Variants in NALF1 observed in about 807,000 individuals in gnomAD.
The protein encoded by NALF1 is NALCN channel auxiliary factor 1, also known as family with sequence similarity 155 member A.
Under a neutral mutation model 48.4 loss-of-function variants are expected in NALF1, and 3 were observed. The observed-to-expected ratio is 0.06, with a 90% CI of 0.03 to 0.16. The LOEUF (loss-of-function observed/expected upper bound fraction) is 0.16, where lower values mean the gene tolerates loss of function less well. Ranked by LOEUF, NALF1 falls within the 10% of genes least tolerant of loss-of-function variation. The probability of loss-of-function intolerance (pLI) is 1.00; values close to 1 mark genes in which losing one functional copy is unlikely to be tolerated. For missense variants in NALF1, 526 were observed against 571.5 expected (o/e 0.92, Z 0.81); for synonymous variants, 262 against 245.7 (o/e 1.07, Z -0.62).
chr13:107,624,985 T>A (rs1346799114), intron 1 of NALF1, among the ~76,000 whole-genome samples: 1 of 152,162 alleles, frequency 6.6e-6, no homozygotes, highest in African/African-American at 2.4e-5. Flanking sequence ...ACAGTTTTAT[T>A]CTCCATAACC....
At position 107,720,816 on chromosome 13, in the gene NALF1, T is replaced by A. The variant is rs75761216; in HGVS notation, c.915+144866A>T. Among the ~76,000 whole-genome samples the A allele has an allele frequency of 2.1e-4, 32 of 152,310 alleles. No individual in the cohort carries two copies. In the East Asian group the frequency reaches 5.4e-3, roughly 26 times the overall value. ...TGAGCTGAAGGTAGTGTTTACTCCT[T>A]CCTTCTGGATAAACACAGGTTGAAA... On this transcript the variant is annotated intron_variant, in intron 1 of 2. Coordinates refer to ENST00000375915, the MANE Select transcript of NALF1 (RefSeq NM_001080396.3).
chr13:107,334,336 G>T (rs1251686470), intron 1 of NALF1, among the ~76,000 whole-genome samples: 1 of 152,130 alleles, frequency 6.6e-6, no homozygotes, highest in Non-Finnish European at 1.5e-5. Context: ...AGAACATCCT[G>T]CCCGAAGGAC....
chr13:107,588,177 G>T (rs1878509286), intron 1 of NALF1, among the ~76,000 whole-genome samples: 1 of 152,098 alleles, frequency 6.6e-6, no homozygotes, highest in African/African-American at 2.4e-5. Flanking sequence ...GACTGTCCAT[G>T]GGAGGCCCCT....
intron 1 of NALF1, among the ~76,000 whole-genome samples, chr13:107,435,778 G>A (rs7333606): frequency 0.36 from 55,081 of 151,240 alleles, 10,483 homozygotes; most frequent in Middle Eastern, 0.48. Context: ...AAGAATTAAG[G>A]GGGAAGGAAA....
At chr13:107,709,503 C>T (rs1443699155) in intron 1 of NALF1, among the ~76,000 whole-genome samples, 5 of 152,194 alleles carry the variant, frequency 3.3e-5, no homozygotes, top group Non-Finnish European at 7.3e-5. Context: ...ATCTATCTAA[C>T]CACAAATGTG....
intron 1 of NALF1, among the ~76,000 whole-genome samples, chr13:107,267,423 TA>T (rs537284362): frequency 1.3e-5 from 2 of 150,358 alleles, no homozygotes; most frequent in African/African-American, 4.9e-5. Context: ...GGCATGACCA[TA>T]AAAAAAAACA....
intron 1 of NALF1, among the ~76,000 whole-genome samples, chr13:107,803,812 T>C (rs974620365): frequency 1.1e-4 from 17 of 152,176 alleles, no homozygotes; most frequent in Admixed American, 1.3e-4. Flanking sequence ...TTAACTCTAA[T>C]AACACGATGG....
chr13:107,326,658 G>A (rs1882371292), intron 1 of NALF1, among the ~76,000 whole-genome samples: 1 of 152,202 alleles, frequency 6.6e-6, no homozygotes, highest in Non-Finnish European at 1.5e-5. Flanking sequence ...ATTAAAATGA[G>A]TGTTGAAGGT....
At chr13:107,768,705 TG>T (rs535631328) in intron 1 of NALF1, among the ~76,000 whole-genome samples, 3 of 152,094 alleles carry the variant, frequency 2.0e-5, no homozygotes, top group Non-Finnish European at 2.9e-5. Context: ...CAGCAGCAAT[TG>T]ACTGGCAGAT....
chr13:107,861,699 G>A (rs1175511469), intron 1 of NALF1, among the ~76,000 whole-genome samples: 2 of 152,198 alleles, frequency 1.3e-5, no homozygotes, highest in South Asian at 2.1e-4. Flanking sequence ...CAGGAGAATC[G>A]CTTGAACCCG....
At chr13:107,780,010 T>C (rs1209762010) in intron 1 of NALF1, among the ~76,000 whole-genome samples, 1 of 151,816 alleles carries the variant, frequency 6.6e-6, no homozygotes, top group Non-Finnish European at 1.5e-5. Context: ...TATTACTTTG[T>C]TCTCTATCTC....
chr13:107,787,385 A>T (rs1026986270), intron 1 of NALF1, among the ~76,000 whole-genome samples: 2 of 152,244 alleles, frequency 1.3e-5, no homozygotes, highest in African/African-American at 4.8e-5. Context: ...TTATTTAAAG[A>T]TACAAACTTT....
chr13:107,327,553 A>G (rs2138920455), intron 1 of NALF1, among the ~76,000 whole-genome samples: 1 of 152,314 alleles, frequency 6.6e-6, no homozygotes. Flanking sequence ...AATGTCACTG[A>G]GTGTCCTAGA....
intron 1 of NALF1, among the ~76,000 whole-genome samples, chr13:107,566,009 T>G (rs1175114468): frequency 6.6e-6 from 1 of 152,186 alleles, no homozygotes; most frequent in African/African-American, 2.4e-5. Flanking sequence ...AAGAGATAAT[T>G]ATATTTTTCA....
chr13:107,414,994 A>G (rs917405210), intron 1 of NALF1, among the ~76,000 whole-genome samples: 1 of 152,176 alleles, frequency 6.6e-6, no homozygotes, highest in Non-Finnish European at 1.5e-5. Flanking sequence ...ATAAAATCAA[A>G]ATTGCCATTG....
At chr13:107,553,662 ATTAAG>A (rs1390693184) in intron 1 of NALF1, among the ~76,000 whole-genome samples, 3 of 152,198 alleles carry the variant, frequency 2.0e-5, no homozygotes, top group Admixed American at 1.3e-4. Flanking sequence ...TGGCATTTAA[ATTAAG>A]TTAATTAAGC....
chr13:107,333,348 T>C (rs1398738438), intron 1 of NALF1, among the ~76,000 whole-genome samples: 2 of 152,174 alleles, frequency 1.3e-5, no homozygotes, highest in Admixed American at 6.5e-5. Flanking sequence ...TTGGGAGTCA[T>C]TTAGGCTGTA....
intron 1 of NALF1, among the ~76,000 whole-genome samples, chr13:107,588,711 TTTAA>T (rs1878524339): frequency 6.6e-6 from 1 of 152,078 alleles, no homozygotes; most frequent in South Asian, 2.1e-4. Flanking sequence ...AAAATATCCT[TTTAA>T]TTTTTATTTT....
intron 1 of NALF1, among the ~76,000 whole-genome samples, chr13:107,543,985 TA>T (rs56196273): frequency 2.0e-5 from 3 of 152,034 alleles, no homozygotes; most frequent in Non-Finnish European, 4.4e-5. Flanking sequence ...ACCAATTTTT[TA>T]AAAAATCTAC....
Sources: gnomAD v4.1 joint callset for allele counts (sites outside exome capture counted in the v4.1 genomes callset) on GRCh38, gnomAD v4.1.1 for gene constraint, MANE v1.5 for transcripts, NCBI Gene and HGNC (gene_info 2026-07-23, HGNC 2026-07-21) for gene names.